KCNJ6: variants seen among roughly 807,000 people sequenced by gnomAD.
The protein encoded by KCNJ6 is G protein-activated inward rectifier potassium channel 2.
KCNJ6 carries 9 observed loss-of-function variants against 34.2 expected under a neutral mutation model. The ratio of observed to expected loss-of-function variants is 0.26; its 90% CI spans 0.16 to 0.46. KCNJ6 has a LOEUF of 0.46. Ranked by LOEUF, KCNJ6 falls within the 20% of genes least tolerant of loss-of-function variation. The pLI is 1.00. For missense variants in KCNJ6, 236 were observed against 531.3 expected (o/e 0.44, Z 5.46); for synonymous variants, 196 against 207.1 (o/e 0.95, Z 0.46).
chr21:37,726,934 C>A (rs1019155606), intron 2 of KCNJ6, among the ~76,000 whole-genome samples: 12 of 152,136 alleles, frequency 7.9e-5, no homozygotes, highest in Non-Finnish European at 1.5e-4. Context: ...GAAATAGGGT[C>A]TTTGCAGATA....
At chr21:37,829,193 C>T (rs1287893449) in intron 2 of KCNJ6, among the ~76,000 whole-genome samples, 1 of 87,512 alleles carries the variant, frequency 1.1e-5, no homozygotes. Context: ...GAGGGAGGAG[C>T]GGGCTCTTGG....
chr21:37,687,970 G>A lies in KCNJ6; in HGVS notation c.946+26241C>T, dbSNP rs150061327. 1.8e-3 allele frequency among the ~76,000 whole-genome samples: 278 copies of A among 152,312 alleles called. 1 individual carries two copies. Among genetic ancestry groups the A allele is most frequent in the African/African-American group, 6.3e-3 (264 of 41,576 alleles). ...AATAGCATATTCAATAACTGTGGAT[G>A]ATTTAAAGTGTTTTTGTTCACTGAG... is the stretch of plus-strand genomic sequence containing the variant. On this transcript the variant is annotated intron_variant, in intron 3 of 3. Transcript: ENST00000609713.
intron 1 of KCNJ6, among the ~76,000 whole-genome samples, chr21:37,903,302 A>AGAGGCATT (rs892673104): frequency 3.9e-5 from 6 of 152,158 alleles, no homozygotes; most frequent in African/African-American, 1.4e-4. Flanking sequence ...GGTTTTATAA[A>AGAGGCATT]GAGGCATTCC....
chr21:37,913,769 G>A (rs927810770), intron 1 of KCNJ6, among the ~76,000 whole-genome samples: 2 of 152,058 alleles, frequency 1.3e-5, no homozygotes, highest in Non-Finnish European at 2.9e-5. Context: ...AGTGAGCCGA[G>A]ATCGAGCCAC....
At chr21:37,883,230 T>A (rs1259632191) in intron 1 of KCNJ6, among the ~76,000 whole-genome samples, 1 of 152,214 alleles carries the variant, frequency 6.6e-6, no homozygotes, top group Non-Finnish European at 1.5e-5. Flanking sequence ...GATAAACTCT[T>A]TTCTAGAAAG....
chr21:37,892,180 A>C (rs2055765697), intron 1 of KCNJ6, among the ~76,000 whole-genome samples: 1 of 152,200 alleles, frequency 6.6e-6, no homozygotes, highest in Admixed American at 6.5e-5. Flanking sequence ...CTAGGGTTTT[A>C]GAGTGAGGAG....
intron 1 of KCNJ6, among the ~76,000 whole-genome samples, chr21:37,849,110 A>G (rs890369678): frequency 2.0e-5 from 3 of 152,198 alleles, no homozygotes; most frequent in Admixed American, 6.5e-5. Flanking sequence ...ATGTCCAGGT[A>G]ACTGGAGCAT....
chr21:37,831,437 C>G (rs903625778), intron 2 of KCNJ6, among the ~76,000 whole-genome samples: 4 of 152,192 alleles, frequency 2.6e-5, no homozygotes, highest in Admixed American at 1.3e-4. Context: ...GTGCCTCACT[C>G]CCCTGGTCCT....
intron 2 of KCNJ6, among the ~76,000 whole-genome samples, chr21:37,792,956 C>T (rs1007082147): frequency 1.2e-4 from 19 of 152,128 alleles, no homozygotes; most frequent in African/African-American, 4.6e-4. Flanking sequence ...CAAGGTGAGT[C>T]AGTAAGCCAT....
At chr21:37,658,715 C>A (rs1035566107) in intron 3 of KCNJ6, among the ~76,000 whole-genome samples, 4 of 152,192 alleles carry the variant, frequency 2.6e-5, no homozygotes, top group African/African-American at 9.6e-5. Context: ...TGCTGGCTCA[C>A]TGGGGTGGAA....
chr21:37,655,305 T>G (rs2054458802), intron 3 of KCNJ6, among the ~76,000 whole-genome samples: 2 of 146,408 alleles, frequency 1.4e-5, no homozygotes, highest in Non-Finnish European at 3.0e-5. Flanking sequence ...GAAGAGGTAA[T>G]TGATACCTAG....
chr21:37,644,845 ATTC>A (rs1310583163), intron 3 of KCNJ6, among the ~76,000 whole-genome samples: 4 of 152,144 alleles, frequency 2.6e-5, no homozygotes, highest in East Asian at 1.9e-4. Context: ...CGTGTTTTAA[ATTC>A]TTCTTAAAGT....
rs1361768574 is a variant in KCNJ6, at chr21:37,645,034, T to G, written c.947-19550A>C. On this transcript the variant is annotated intron_variant, in intron 3 of 3. Coordinates refer to ENST00000609713, the MANE Select transcript of KCNJ6 (RefSeq NM_002240.5). ...ACAGGTGGGTTTTTTTTTTTTTTTT[T>G]TGTGAAAAAACAGACTTTAAAGAAT... is the stretch of plus-strand genomic sequence containing the variant. Among the ~76,000 whole-genome samples the G allele has an allele frequency of 6.7e-4, 96 of 143,202 alleles. 1 individual carries two copies. Among genetic ancestry groups the G allele is most frequent in the African/African-American group, 1.5e-3 (59 of 39,980 alleles). 93.9% of individuals were successfully genotyped at this position (143,202 alleles called of 152,430 possible). A position where few individuals can be genotyped will look rare whatever the true frequency, so the allele number is the denominator to read the frequency against.
At chr21:37,873,723 TC>T (rs1254723557) in intron 1 of KCNJ6, among the ~76,000 whole-genome samples, 1 of 152,128 alleles carries the variant, frequency 6.6e-6, no homozygotes, top group Non-Finnish European at 1.5e-5. Flanking sequence ...CAGCATCTTC[TC>T]CCCATCCTCA....
intron 2 of KCNJ6, among the ~76,000 whole-genome samples, chr21:37,820,755 A>G (rs146279546): frequency 3.3e-4 from 50 of 152,280 alleles, no homozygotes; most frequent in Non-Finnish European, 6.3e-4. Flanking sequence ...TTGAAAGCTT[A>G]TTATTATTTT....
At chr21:37,809,278 A>G (rs2123540324) in intron 2 of KCNJ6, among the ~76,000 whole-genome samples, 1 of 152,238 alleles carries the variant, frequency 6.6e-6, no homozygotes, top group Admixed American at 6.5e-5. Flanking sequence ...CGCAAGGACA[A>G]AAAACCAAAC....
At chr21:37,808,805 C>G (rs1055889205) in intron 2 of KCNJ6, among the ~76,000 whole-genome samples, 1 of 152,234 alleles carries the variant, frequency 6.6e-6, no homozygotes, top group African/African-American at 2.4e-5. Flanking sequence ...TGGGCTAGCT[C>G]TCCCAGAGAG....
chr21:37,867,608 A>G (rs1322573714), intron 1 of KCNJ6, among the ~76,000 whole-genome samples: 1 of 152,190 alleles, frequency 6.6e-6, no homozygotes, highest in Non-Finnish European at 1.5e-5. Flanking sequence ...ACAACAATTG[A>G]AATGGGCCAA....
chr21:37,726,590 G>GCACACA lies in KCNJ6; in HGVS notation c.26-11460_26-11459insTGTGTG, dbSNP rs1255395270. Reference sequence around the variant, plus strand: ...TGCCATCTTACAGTAATGTGTGCATGTTTGTGAATGTGTGTGTATGTGTGT... The same window carrying GCACACA: ...TGCCATCTTACAGTAATGTGTGCATGCACACATTTGTGAATGTGTGTGTATGTGTGT... On this transcript the variant is annotated intron_variant, in intron 2 of 3. Transcript: ENST00000609713. Among the ~76,000 whole-genome samples the GCACACA allele has an allele frequency of 3.3e-5, 5 of 152,178 alleles. No homozygotes were observed. The East Asian group carries it at 9.6e-4, about 29-fold the overall frequency.
Sources: allele counts gnomAD v4.1 joint callset (sites outside exome capture counted in the v4.1 genomes callset), GRCh38; gene constraint gnomAD v4.1.1; transcripts MANE v1.5; gene names NCBI Gene and HGNC (gene_info 2026-07-23, HGNC 2026-07-21).